The following PDE10A variants were observed in gnomAD, a reference collection of about 807,000 sequenced individuals.
PDE10A encodes phosphodiesterase 10A.
In PDE10A, 39 loss-of-function variants were observed where a neutral mutation model predicts 97.7. The ratio of observed to expected loss-of-function variants is 0.40; its 90% CI spans 0.31 to 0.52. The LOEUF is 0.52. Among genes scored for constraint, PDE10A ranks in the 20% least tolerant of loss-of-function variants. The probability of loss-of-function intolerance (pLI) is 0.56; values close to 1 mark genes in which losing one functional copy is unlikely to be tolerated. For synonymous variants in PDE10A, 371 were observed against 376.8 expected, an observed-to-expected ratio of 0.98 and a Z score of 0.18; for missense variants, 731 against 1,047.8, an observed-to-expected ratio of 0.70 and a Z score of 4.17.
chr6:165,330,251 C>G lies in PDE10A; in HGVS notation c.*2774G>C, dbSNP rs913204115. ...AATTTGGCACAATACACAATACGAC[C>G]TTAATAGGAACTCATCAAAGCTGTT... On this transcript the variant is annotated 3_prime_UTR_variant, in exon 22 of 22. Transcript: ENST00000539869. The G allele has an allele frequency of 2.6e-5, 4 of 152,098 alleles. No individual in the cohort carries two copies. The highest frequency in any genetic ancestry group is 9.7e-5 in the African/African-American group (4 of 41,412). 9.4% of individuals were successfully genotyped at this position (152,098 alleles called of 1,614,324 possible).
At chr6:165,486,903 C>T (rs189558099) in intron 2 of PDE10A, among the ~76,000 whole-genome samples, 196 of 152,284 alleles carry the variant, frequency 1.3e-3, no homozygotes, top group African/African-American at 4.5e-3. Flanking sequence ...ACGAGGGTGA[C>T]GAGTGAACAC....
chr6:165,796,948 C>T (rs1180101818), intron 1 of PDE10A, among the ~76,000 whole-genome samples: 1 of 152,164 alleles, frequency 6.6e-6, no homozygotes, highest in Non-Finnish European at 1.5e-5. Context: ...TCTTCTATCT[C>T]CTGTATTTCC....
At chr6:165,697,894 T>G (rs1405642210) in intron 1 of PDE10A, among the ~76,000 whole-genome samples, 1 of 152,166 alleles carries the variant, frequency 6.6e-6, no homozygotes, top group Non-Finnish European at 1.5e-5. Context: ...ATTTTAAATA[T>G]CAATTGCAAC....
chr6:165,958,089 C>T (rs993761020), intron 1 of PDE10A, among the ~76,000 whole-genome samples: 7 of 152,280 alleles, frequency 4.6e-5, no homozygotes, highest in East Asian at 1.9e-4. Flanking sequence ...CTCACACAGA[C>T]GGTCTCCCAC....
chr6:165,709,274 G>A (rs1279797270), intron 1 of PDE10A, among the ~76,000 whole-genome samples: 1 of 101,222 alleles, frequency 9.9e-6, no homozygotes, highest in African/African-American at 4.0e-5. Flanking sequence ...ATGCTGCCAC[G>A]CTGTCCTCCC....
intron 18 of PDE10A, among the ~76,000 whole-genome samples, chr6:165,346,079 G>T (rs1562368254): frequency 1.3e-5 from 2 of 152,224 alleles, no homozygotes; most frequent in African/African-American, 2.4e-5. Context: ...CTGGAGACAA[G>T]ATAGGAGTTT....
upstream of PDE10A, among the ~76,000 whole-genome samples, chr6:165,663,896 G>A (rs966264972): frequency 1.3e-4 from 20 of 152,204 alleles, no homozygotes; most frequent in African/African-American, 4.6e-4. Flanking sequence ...GCCACTGAAG[G>A]GAAATGAGCC....
At chr6:165,713,239 A>G (rs1791945959) in intron 1 of PDE10A, among the ~76,000 whole-genome samples, 1 of 152,188 alleles carries the variant, frequency 6.6e-6, no homozygotes, top group East Asian at 1.9e-4. Flanking sequence ...TTCTAGCAGA[A>G]CTCACACCTC....
At chr6:165,851,060 G>C (rs1025479424) in intron 1 of PDE10A, among the ~76,000 whole-genome samples, 1 of 152,194 alleles carries the variant, frequency 6.6e-6, no homozygotes, top group African/African-American at 2.4e-5. Flanking sequence ...TCAAGTAAGA[G>C]AAAATAGACT....
Position 165,765,359 on chromosome 6 carries a change from G to A in PDE10A, c.-614-221791C>T, listed in dbSNP as rs990668747. Among the ~76,000 whole-genome samples the A allele has an allele frequency of 3.3e-5, 5 of 152,338 alleles. No individual in the cohort carries two copies. In the South Asian group the frequency reaches 6.2e-4, roughly 19 times the overall value. On this transcript the variant is annotated intron_variant, in intron 1 of 19. Transcript: ENST00000366882. ...GGGGCGGCGCTCCTCGGGGAGGCTC[G>A]GGCTGCACAGGAGCCCACGGAGGCG...
intron 1 of PDE10A, among the ~76,000 whole-genome samples, chr6:165,707,775 G>T (rs1473471610): frequency 6.6e-6 from 1 of 152,090 alleles, no homozygotes; most frequent in Admixed American, 6.5e-5. Context: ...GTGTATGTGT[G>T]TGTGAGATTG....
At chr6:165,770,003 T>G (rs113246982) in intron 1 of PDE10A, among the ~76,000 whole-genome samples, 1 of 152,328 alleles carries the variant, frequency 6.6e-6, no homozygotes, top group African/African-American at 2.4e-5. Context: ...AGGAAAGTAT[T>G]AACGTCTCAA....
At chr6:165,902,528 C>T (rs1250263848) in intron 1 of PDE10A, among the ~76,000 whole-genome samples, 1 of 152,170 alleles carries the variant, frequency 6.6e-6, no homozygotes, top group Non-Finnish European at 1.5e-5. Context: ...TCCCAATACT[C>T]CCTCACAGAA....
intron 1 of PDE10A, among the ~76,000 whole-genome samples, chr6:165,797,125 A>G (rs1778851559): frequency 6.6e-6 from 1 of 152,178 alleles, no homozygotes; most frequent in Non-Finnish European, 1.5e-5. Context: ...TGGCTTAGTC[A>G]CATTCAGGCG....
chr6:165,767,401 C>T (rs968567544), intron 1 of PDE10A, among the ~76,000 whole-genome samples: 2 of 152,170 alleles, frequency 1.3e-5, no homozygotes, highest in African/African-American at 4.8e-5. Context: ...ATTTTCATAA[C>T]CCGCAAGGGG....
intron 1 of PDE10A, among the ~76,000 whole-genome samples, chr6:165,943,489 T>C (rs1783655595): frequency 1.3e-5 from 2 of 152,136 alleles, no homozygotes; most frequent in Non-Finnish European, 2.9e-5. Context: ...GGAGAACTGA[T>C]GCTGTAACTC....
At chr6:165,648,170 G>A (rs992870570) in intron 1 of PDE10A, among the ~76,000 whole-genome samples, 2 of 151,874 alleles carry the variant, frequency 1.3e-5, no homozygotes, top group Non-Finnish European at 2.9e-5. Flanking sequence ...CCACCACCAC[G>A]CCCAGCTAAT....
At chr6:165,970,808 G>A (rs912817506) in intron 1 of PDE10A, among the ~76,000 whole-genome samples, 3 of 152,108 alleles carry the variant, frequency 2.0e-5, no homozygotes, top group African/African-American at 7.2e-5. Context: ...ATTGGAGAAA[G>A]TATTATCAGA....
At chr6:165,832,305 G>A (rs1279435940) in intron 1 of PDE10A, among the ~76,000 whole-genome samples, 2 of 151,874 alleles carry the variant, frequency 1.3e-5, no homozygotes, top group East Asian at 1.9e-4. Context: ...CGAAACAGCC[G>A]CTCTCATTCA....
Sources: gnomAD v4.1 joint callset for allele counts (sites outside exome capture counted in the v4.1 genomes callset) on GRCh38, gnomAD v4.1.1 for gene constraint, MANE v1.5 for transcripts, NCBI Gene and HGNC (gene_info 2026-07-23, HGNC 2026-07-21) for gene names.